COMP: variants seen among roughly 807,000 people sequenced by gnomAD.
The protein encoded by COMP is cartilage oligomeric matrix protein, also known as cartilage oligomeric matrix protein (pseudoachondroplasia, epiphyseal dysplasia 1, multiple).
A neutral mutation model predicts 95.8 loss-of-function variants in COMP; 79 were observed. The observed-to-expected ratio is 0.82, with a 90% confidence interval of 0.69 to 0.99. The LOEUF (loss-of-function observed/expected upper bound fraction) is 0.99. COMP is among the 50% of genes least tolerant of loss of function. The pLI is 0.00. For synonymous variants in COMP, 438 were observed against 433.9 expected (o/e 1.01, Z -0.12); for missense variants, 906 against 1,076.1 (o/e 0.84, Z 2.21).
At position 18,786,231 on chromosome 19, in the gene COMP, C is replaced by T. The variant is rs760435349; in HGVS notation, c.1307+8G>A. On this transcript the variant is annotated splice_region_variant and intron_variant, in intron 12 of 18. Transcript: ENST00000222271. ...TACCCGGACGCCCACCCCAGGTGGC[C>T]TCCTTACTGGTCTTGATCGCTGTCA... 2.5e-6 allele frequency: 4 copies of T among 1,613,994 alleles called. No individual in the cohort carries two copies. The highest frequency in any genetic ancestry group is 3.4e-6 in the Non-Finnish European group (4 of 1,180,054).
At position 18,788,580 on chromosome 19, in the gene COMP, G is replaced by T. The variant is rs199733531; in HGVS notation, c.762+12C>A. On this transcript the variant is annotated intron_variant, in intron 7 of 18. Transcript: ENST00000222271. The surrounding 1 kb of genome is among the most constrained non-coding windows in gnomAD (Gnocchi z 4.7). ...CCCAACCCCGCCTCAAGCCCAGCCC[G>T]CCCGCACTCACCACGCACGACCGCG... is the stretch of plus-strand genomic sequence containing the variant. The T allele has an allele frequency of 8.5e-4, 1,316 of 1,556,756 alleles. 3 individuals carry two copies. In the African/African-American group the frequency reaches 0.015, roughly 18 times the overall value.
Position 18,789,596 on chromosome 19 carries a change from G to A in COMP, c.391-299C>T, listed in dbSNP as rs1446667816. ...CGTGCGTGCCCGGCGGTGGCGGGGGGTCTGGGCGTGCGTTCCCTGGCTGTG... is the reference window on the plus strand; with the variant it reads ...CGTGCGTGCCCGGCGGTGGCGGGGGATCTGGGCGTGCGTTCCCTGGCTGTG... On this transcript the variant is annotated intron_variant, in intron 4 of 18. Transcript: ENST00000222271. This position sits in a 1 kb window ranked among gnomAD's most constrained non-coding sequence, Gnocchi z 6.1. Among the ~76,000 whole-genome samples, 1 of 151,478 alleles carries A rather than the reference G, an allele frequency of 6.6e-6. No individual in the cohort carries two copies. The highest frequency in any genetic ancestry group is 1.5e-5 in the Non-Finnish European group (1 of 67,866).
At position 18,785,971 on chromosome 19, in the gene COMP, C is replaced by T. The variant is rs780411024; in HGVS notation, c.1483G>A (p.Ala495Thr). 1.2e-5 allele frequency: 20 copies of T among 1,609,660 alleles called. No homozygotes were observed. In the African/African-American group the frequency reaches 1.7e-4, roughly 14 times the overall value. Reference sequence around the variant, plus strand: ...GGCCCCGCCCCCGCCGTACTGTCCGCGTCCTCCTGGCCGGGGTTAGGCACC... The same window carrying T: ...GGCCCCGCCCCCGCCGTACTGTCCGTGTCCTCCTGGCCGGGGTTAGGCACC... ...RLVPNPGQED[A>T]DRDGVGDVCQ... Residue 495 changes from alanine to threonine, a missense_variant, in exon 13 of 19, where the codon GCG (alanine) becomes ACG (threonine). Coordinates refer to ENST00000222271, the MANE Select transcript of COMP (RefSeq NM_000095.3).
chr19:18,787,153 T>G, intron 10 of COMP: 1 of 449,624 alleles, frequency 2.2e-6, no homozygotes, highest in Middle Eastern at 6.6e-4. Flanking sequence ...GTGGCTCAGC[T>G]GGGTGCCCGT....
At position 18,784,183 on chromosome 19, in the gene COMP, G is replaced by A. The variant is rs768830011; in HGVS notation, c.2087+8C>T. Reference sequence around the variant, plus strand: ...AGCCCAGCCCACCACAGAGGGTGGAGTCCCCACCTGATGTAGCCCACTTGG... The same window carrying A: ...AGCCCAGCCCACCACAGAGGGTGGAATCCCCACCTGATGTAGCCCACTTGG... On this transcript the variant is annotated splice_region_variant and intron_variant, in intron 17 of 18. Coordinates refer to ENST00000222271, the MANE Select transcript of COMP (RefSeq NM_000095.3). The surrounding 1 kb of genome is among the most constrained non-coding windows in gnomAD (Gnocchi z 4.9). The A allele has an allele frequency of 1.2e-6, 2 of 1,613,130 alleles. No individual in the cohort carries two copies. Among genetic ancestry groups the A allele is most frequent in the East Asian group, 2.2e-5 (1 of 44,884 alleles).
At chr19:18,787,864 C>CTTTTTCTCTTTCTTTCTT (rs56093208) in intron 9 of COMP, among the ~76,000 whole-genome samples, 12 of 108,830 alleles carry the variant, frequency 1.1e-4, no homozygotes, top group South Asian at 3.3e-4. Flanking sequence ...TTTTCTTTTT[C>CTTTTTCTCTTTCTTTCTT]TCTTTCTTTC....
chr19:18,790,422 C>G (rs1453626796), intron 3 of COMP, 140 bp downstream of exon 3: 1 of 1,093,388 alleles, frequency 9.1e-7, no homozygotes, highest in Non-Finnish European at 1.4e-6. Context: ...CCATCCCATT[C>G]CCGTTCGTCC....
At position 18,788,640 on chromosome 19, in the gene COMP, GT is replaced by G; in HGVS notation, c.713del (p.His238ProfsTer8). ...FCPDGSPSEC[H>X]EHADCVLERD... ...GCTCTAGGACGCAGTCTGCATGCTC[GT>G]GGCACTCGCTGGGCGAGCCGTCGGG... On this transcript the variant is annotated frameshift_variant, in exon 7 of 19. Coordinates refer to ENST00000222271, the MANE Select transcript of COMP (RefSeq NM_000095.3). LOFTEE classifies it high-confidence loss of function. This position sits in a 1 kb window ranked among gnomAD's most constrained non-coding sequence, Gnocchi z 4.7. 1 of 1,547,294 alleles carries G rather than the reference GT, an allele frequency of 6.5e-7. No individual in the cohort carries two copies. Among genetic ancestry groups the G allele is most frequent in the Non-Finnish European group, 8.7e-7 (1 of 1,146,586 alleles).
At chr19:18,787,008 T>C (rs1403918355) in intron 10 of COMP, 1 of 337,930 alleles carries the variant, frequency 3.0e-6, no homozygotes, top group African/African-American at 2.1e-5. Context: ...CCTGACCTCG[T>C]GATCCACCTG....
rs1275957754 is a variant in COMP at position 18,784,318 on chromosome 19, G to A, written c.1960C>T (p.Leu654=). 6.2e-6 allele frequency: 10 copies of A among 1,614,102 alleles called. No homozygotes were observed. The highest frequency in any genetic ancestry group is 8.5e-6 in the Non-Finnish European group (10 of 1,180,048). Residue 654 remains leucine (L), a synonymous_variant, in exon 17 of 19, where the codon CTG becomes TTG. Coordinates refer to ENST00000222271, the MANE Select transcript of COMP (RefSeq NM_000095.3). The surrounding 1 kb of genome is among the most constrained non-coding windows in gnomAD (Gnocchi z 4.9). ...GACTCTGTGTCTCCTGTATGCCACA[G>A]AGCGTTCCGCAGCTGTTCCCCGGGG... ...TGPGEQLRNA[L]WHTGDTESQV...
Position 18,784,943 on chromosome 19 carries a change from G to A in COMP, c.1867C>T (p.Gln623Ter). 1 of 1,614,078 alleles carries A rather than the reference G, an allele frequency of 6.2e-7. No individual in the cohort carries two copies. The part of the protein sequence containing the change: ...MWKQMEQTYW[Q>*]ANPFRAVAEP... Reference sequence around the variant, plus strand: ...GCCACAGCACGGAAGGGGTTCGCCTGCCAATACGTTTGCTCCATCTGCTTC... The same window carrying A: ...GCCACAGCACGGAAGGGGTTCGCCTACCAATACGTTTGCTCCATCTGCTTC... Residue 623 changes from glutamine (Q) to a stop codon, truncating the protein, a stop_gained, in exon 16 of 19, where the codon CAG (glutamine) becomes TAG (stop). Transcript: ENST00000222271. LOFTEE classifies it high-confidence loss of function. The surrounding 1 kb of genome is among the most constrained non-coding windows in gnomAD (Gnocchi z 4.9).
chr19:18,786,923 C>T, intron 10 of COMP: 1 of 392,420 alleles, frequency 2.5e-6, no homozygotes, highest in Non-Finnish European at 4.7e-6. Context: ...CAGGTGTGCG[C>T]CACCACGCCC....
chr19:18,789,372 G>C lies in COMP; in HGVS notation c.391-75C>G. 3 of 1,378,016 alleles carry C rather than the reference G, an allele frequency of 2.2e-6. No individual in the cohort carries two copies. Among genetic ancestry groups the C allele is most frequent in the Non-Finnish European group, 2.9e-6 (3 of 1,047,928 alleles). The allele number at this position is 1,378,016 out of a possible 1,614,324, so 85.4% of individuals were successfully genotyped here. The stretch of plus-strand genomic sequence containing the variant: ...GGGGGCCGCACCTCGTAGTGTCTCG[G>C]ATGTGGAAAGTTCAAGGGCCATATG... On this transcript the variant is annotated intron_variant, in intron 4 of 18. Transcript: ENST00000222271. The surrounding 1 kb of genome is among the most constrained non-coding windows in gnomAD (Gnocchi z 6.1).
rs759742248 is a variant in COMP, at chr19:18,786,151, AGTG to A, written c.1308-8_1308-6del. On this transcript the variant is annotated splice_polypyrimidine_tract_variant and splice_region_variant and intron_variant, in intron 12 of 18. Coordinates refer to ENST00000222271, the MANE Select transcript of COMP (RefSeq NM_000095.3). ...TCCTGATGTCCGTCTCCATCCCTAG[AGTG>A]GATAGGTGGGATCCAGAGACAATGA... is the stretch of plus-strand genomic sequence containing the variant. 8 of 1,613,932 alleles carry A rather than the reference AGTG, an allele frequency of 5.0e-6. No homozygotes were observed. In the South Asian group the frequency reaches 6.6e-5, roughly 13 times the overall value.
At position 18,791,249 on chromosome 19, in the gene COMP, G is replaced by A; in HGVS notation, c.21C>T (p.Cys7=). 2.5e-6 allele frequency: 4 copies of A among 1,598,178 alleles called. No homozygotes were observed. Among genetic ancestry groups the A allele is most frequent in the Non-Finnish European group, 1.7e-6 (2 of 1,174,176 alleles). The change falls in exon 1 of 19, where the codon TGC becomes TGT. Residue 7 remains cysteine (C), a synonymous_variant. Coordinates refer to ENST00000222271, the MANE Select transcript of COMP (RefSeq NM_000095.3). MVPDTA[C]VLLLTLAALG... ...GGGCAGCCAGGGTGAGCAGAAGAAC[G>A]CAGGCGGTGTCGGGGACCATGGCGG...
chr19:18,787,572 G>C lies in COMP; in HGVS notation c.1054C>G (p.Arg352Gly), dbSNP rs142274526. ...DKWGDACDNC[R>G]SQKNDDQKDT... ...TTTTGGTCGTCGTTCTTCTGGGACC[G>C]GCAGTTGTCGCACGCATCGCCCCAC... The change falls in exon 10 of 19, where the codon CGG becomes GGG. Residue 352 changes from arginine to glycine, a missense_variant. Coordinates refer to ENST00000222271, the MANE Select transcript of COMP (RefSeq NM_000095.3). The C allele has an allele frequency of 6.2e-7, 1 of 1,613,970 alleles. No individual in the cohort carries two copies. The highest frequency in any genetic ancestry group is 8.5e-7 in the Non-Finnish European group (1 of 1,180,020).
chr19:18,785,901 G>A (rs545882712), intron 13 of COMP, 50 bp from the exon 14 acceptor site: 17 of 1,605,178 alleles, frequency 1.1e-5, no homozygotes, highest in East Asian at 2.2e-5. Context: ...CCCGCCCACC[G>A]TAGACCCCGC....
At chr19:18,787,705 C>A in intron 9 of COMP, 55 bp from the exon 10 acceptor site, 1 of 1,605,554 alleles carries the variant, frequency 6.2e-7, no homozygotes, top group South Asian at 1.1e-5. Context: ...AAAGGTCACA[C>A]TCCTCAGATT....
rs1188963812 is a variant in COMP at position 18,789,280 on chromosome 19, G to A, written c.408C>T (p.Cys136=). 6 of 1,498,774 alleles carry A rather than the reference G, an allele frequency of 4.0e-6. No individual in the cohort carries two copies. The highest frequency in any genetic ancestry group is 5.3e-6 in the Non-Finnish European group (6 of 1,127,270). 92.8% of individuals were successfully genotyped at this position (1,498,774 alleles called of 1,614,324 possible). A position where few individuals can be genotyped will look rare whatever the true frequency, so the allele number is the denominator to read the frequency against. ...TGTTGATACAGCGGACTCGGGGGAA[G>A]CAGGGGTGGGCGTTGCACTGGGGGA... is the stretch of plus-strand genomic sequence containing the variant. ...TDVNECNAHP[C]FPRVRCINTS... is the part of the protein sequence containing the mutation. Residue 136 remains cysteine (C), a synonymous_variant, in exon 5 of 19, where the codon TGC becomes TGT. Coordinates refer to ENST00000222271, the MANE Select transcript of COMP (RefSeq NM_000095.3). This position sits in a 1 kb window ranked among gnomAD's most constrained non-coding sequence, Gnocchi z 6.1.
Sources: allele counts gnomAD v4.1 joint callset (sites outside exome capture counted in the v4.1 genomes callset), GRCh38; gene constraint gnomAD v4.1.1; non-coding constraint Gnocchi (gnomAD v3.1); transcripts MANE v1.5; gene names NCBI Gene and HGNC (gene_info 2026-07-23, HGNC 2026-07-21).